GPSM1: variants seen among roughly 807,000 people sequenced by gnomAD.
GPSM1 encodes the protein G protein-signaling modulator 1.
A neutral mutation model predicts 70.5 loss-of-function variants in GPSM1; 48 were observed. The observed-to-expected ratio is 0.68, with a 90% confidence interval of 0.54 to 0.87. GPSM1 has a LOEUF of 0.87. Among genes scored for constraint, GPSM1 ranks in the 40% least tolerant of loss-of-function variants. The pLI, the probability that GPSM1 is intolerant of heterozygous loss-of-function variation, is 0.00. For synonymous variants in GPSM1, 416 were observed against 430.1 expected, an observed-to-expected ratio of 0.97 and a Z score of 0.41; for missense variants, 981 against 972.6, an observed-to-expected ratio of 1.01 and a Z score of -0.11.
chr9:136,355,890 A>G (rs1554773010), intron 12 of GPSM1, 44 bp downstream of exon 12: 3 of 1,522,766 alleles, frequency 2.0e-6, no homozygotes, highest in Non-Finnish European at 1.8e-6. Context: ...GCTTGTCTGC[A>G]GGGGCCAGGA....
chr9:136,332,734 C>A (rs1338478250), intron 1 of GPSM1, among the ~76,000 whole-genome samples: 1 of 151,264 alleles, frequency 6.6e-6, no homozygotes, highest in African/African-American at 2.4e-5. Flanking sequence ...CTGTGAGGTG[C>A]CTGGCAGGTA....
intron 4 of GPSM1, 92 bp downstream of exon 4, chr9:136,337,164 A>T (rs1239748353): frequency 3.4e-5 from 41 of 1,200,128 alleles, no homozygotes; most frequent in Non-Finnish European, 4.6e-5. Context: ...CCAGCCCCAT[A>T]CCTCCCGACA....
intron 1 of GPSM1, among the ~76,000 whole-genome samples, chr9:136,331,338 T>C (rs1588688416): frequency 7.9e-6 from 1 of 127,142 alleles, no homozygotes; most frequent in South Asian, 2.5e-4. Flanking sequence ...CCGGCAGACG[T>C]GGGGCTGGCA....
chr9:136,333,732 G>A (rs1443587398), intron 1 of GPSM1, among the ~76,000 whole-genome samples: 1 of 152,204 alleles, frequency 6.6e-6, no homozygotes, highest in African/African-American at 2.4e-5. Flanking sequence ...GGCAGCACCT[G>A]GGAACAGCGG....
At chr9:136,351,695 C>T (rs573474727) in intron 11 of GPSM1, among the ~76,000 whole-genome samples, 1 of 152,362 alleles carries the variant, frequency 6.6e-6, no homozygotes, top group East Asian at 1.9e-4. Context: ...CCACCTGCTG[C>T]GGGCCCTGCT....
chr9:136,354,342 G>C lies in GPSM1; in HGVS notation c.1456-1348G>C, dbSNP rs77638320. Among the ~76,000 whole-genome samples the C allele has an allele frequency of 9.7e-3, 1,477 of 152,342 alleles. 19 individuals are homozygous for C. Among genetic ancestry groups the C allele is most frequent in the African/African-American group, 0.033 (1,380 of 41,576 alleles). ...GAAGCAGGACGGGAGCCCTAGTCCTGGGCTGTGGGGGTCAGGTGTCGGGAA... is the reference window on the plus strand; with the variant it reads ...GAAGCAGGACGGGAGCCCTAGTCCTCGGCTGTGGGGGTCAGGTGTCGGGAA... On this transcript the variant is annotated intron_variant, in intron 11 of 13. Coordinates refer to ENST00000440944, the MANE Select transcript of GPSM1 (RefSeq NM_001145638.3).
chr9:136,340,856 C>A lies in GPSM1; in HGVS notation c.1084-14C>A. The A allele has an allele frequency of 6.4e-7, 1 of 1,560,130 alleles. No homozygotes were observed. Among genetic ancestry groups the A allele is most frequent in the Non-Finnish European group, 8.7e-7 (1 of 1,155,716 alleles). On this transcript the variant is annotated splice_polypyrimidine_tract_variant and intron_variant, in intron 8 of 13. Transcript: ENST00000440944. The surrounding 1 kb of genome is among the most constrained non-coding windows in gnomAD (Gnocchi z 7.3). ...CAGCCACACCTGCCCGCTCCGCCACCCCACTCGCCGCAGATCGGGGACCGC... is the reference window on the plus strand; with the variant it reads ...CAGCCACACCTGCCCGCTCCGCCACACCACTCGCCGCAGATCGGGGACCGC...
chr9:136,359,191 C>A lies in GPSM1; in HGVS notation c.*971C>A, dbSNP rs1359779368. The A allele has an allele frequency of 6.6e-6, 1 of 152,454 alleles. No homozygotes were observed. Among genetic ancestry groups the A allele is most frequent in the Non-Finnish European group, 1.5e-5 (1 of 68,158 alleles). The allele number at this position is 152,454 out of a possible 1,614,324, so 9.4% of individuals were successfully genotyped here. ...ACCAAGTTCGGGATCCTAGGACTGG[C>A]AGGACCTGCTGGAGCCTGAGATGGG... On this transcript the variant is annotated 3_prime_UTR_variant, in exon 14 of 14. Coordinates refer to ENST00000440944, the MANE Select transcript of GPSM1 (RefSeq NM_001145638.3).
At position 136,337,884 on chromosome 9, in the gene GPSM1, C is replaced by T. The variant is rs375775955; in HGVS notation, c.741C>T (p.Ala247=). Residue 247 remains alanine, a synonymous_variant, in exon 6 of 14, where the codon GCC becomes GCT. Transcript: ENST00000440944. ...AIAKEFGDKA[A]ERRAYSNLGN... is the part of the protein sequence containing the mutation. ...CTAAGGAGTTTGGAGACAAGGCAGC[C>T]GAGAGGAGGGCCTACAGCAACCTGG... is the stretch of plus-strand genomic sequence containing the variant. 1.4e-5 allele frequency: 22 copies of T among 1,612,216 alleles called. No homozygotes were observed. In the African/African-American group the frequency reaches 1.5e-4, roughly 11 times the overall value.
In GPSM1 at chr9:136,341,411, TGCCTGGGGCAGTAATCAGGCAAG is replaced by T; in HGVS notation, c.1207+422_1207+444del. 1.4e-6 allele frequency: 2 copies of T among 1,418,090 alleles called. No homozygotes were observed. Among genetic ancestry groups the T allele is most frequent in the Non-Finnish European group, 9.2e-7 (1 of 1,090,684 alleles). 87.8% of individuals were successfully genotyped at this position (1,418,090 alleles called of 1,614,324 possible). ...TGGGCTGGGCTGTGGGAGCCCTATG[TGCCTGGGGCAGTAATCAGGCAAG>T]GCCCAAGGCCATGCGAGGCCACCGT... On this transcript the variant is annotated intron_variant, in intron 9 of 13. Coordinates refer to ENST00000440944, the MANE Select transcript of GPSM1 (RefSeq NM_001145638.3). This position sits in a 1 kb window ranked among gnomAD's most constrained non-coding sequence, Gnocchi z 6.7.
intron 1 of GPSM1, among the ~76,000 whole-genome samples, chr9:136,334,012 G>A (rs532791142): frequency 6.6e-6 from 1 of 152,212 alleles, no homozygotes; most frequent in South Asian, 2.1e-4. Flanking sequence ...TGTTCTTGGT[G>A]GGAATTAGGG....
rs892612925 is a variant in GPSM1 at position 136,353,093 on chromosome 9, C to G, written c.1456-2597C>G. 3.8e-5 allele frequency: 37 copies of G among 985,310 alleles called. No individual in the cohort carries two copies. The Admixed American group carries it at 7.4e-4, about 20-fold the overall frequency. 61.0% of individuals were successfully genotyped at this position (985,310 alleles called of 1,614,324 possible). The stretch of plus-strand genomic sequence containing the variant: ...CCCTGGGCACCTTGTGTCCTGCCTG[C>G]GCTCTGTGTGGCCAAGCACCCAGCG... On this transcript the variant is annotated intron_variant, in intron 11 of 13. Transcript: ENST00000440944.
chr9:136,329,159 G>C (rs1832046433), intron 1 of GPSM1, among the ~76,000 whole-genome samples: 1 of 152,156 alleles, frequency 6.6e-6, no homozygotes, highest in African/African-American at 2.4e-5. Flanking sequence ...GCAGTGCTCA[G>C]GGGGACCACT....
intron 5 of GPSM1, 120 bp from the exon 6 acceptor site, chr9:136,337,726 C>T (rs1048060725): frequency 3.6e-5 from 36 of 996,476 alleles, no homozygotes; most frequent in Non-Finnish European, 5.1e-5. Flanking sequence ...CAGCTGCTAG[C>T]TGCTCACCCG....
rs1564341850 is a variant in GPSM1 at position 136,334,490 on chromosome 9, CTG to C, written c.115_116del (p.Cys39GlnfsTer13). On this transcript the variant is annotated frameshift_variant, in exon 2 of 14. Transcript: ENST00000440944. LOFTEE classifies it high-confidence loss of function. ...AGAGCTGGCGCTGGAGGGCGAGCGT[CTG>C]TGCAAGGCGGGCGACTTCAAGACAG... ...CLELALEGER[L>X]CKAGDFKTGV... 6.2e-7 allele frequency: 1 copy of C among 1,613,156 alleles called. No individual in the cohort carries two copies. The highest frequency in any genetic ancestry group is 8.5e-7 in the Non-Finnish European group (1 of 1,179,944).
At chr9:136,346,308 T>C (rs1328480145) in intron 9 of GPSM1, among the ~76,000 whole-genome samples, 2 of 152,228 alleles carry the variant, frequency 1.3e-5, no homozygotes, top group Non-Finnish European at 2.9e-5. Flanking sequence ...GCCAGCGGGC[T>C]GGAGGCGGAA....
intron 13 of GPSM1, among the ~76,000 whole-genome samples, chr9:136,356,862 G>A (rs1832845580): frequency 6.6e-6 from 1 of 152,180 alleles, no homozygotes; most frequent in Admixed American, 6.5e-5. Flanking sequence ...ACAGGTCCTG[G>A]AGCTCATGGC....
chr9:136,328,412 G>A (rs1554768175), intron 1 of GPSM1, among the ~76,000 whole-genome samples: 1 of 152,196 alleles, frequency 6.6e-6, no homozygotes, highest in African/African-American at 2.4e-5. Flanking sequence ...AAGCAAGGCT[G>A]GGTGGTACCA....
intron 3 of GPSM1, among the ~76,000 whole-genome samples, chr9:136,336,375 C>T (rs1832236189): frequency 6.6e-6 from 1 of 152,170 alleles, no homozygotes; most frequent in Non-Finnish European, 1.5e-5. Context: ...CCCTCCACAC[C>T]CCCAGTCACT....
Sources: gnomAD v4.1 joint callset for allele counts (sites outside exome capture counted in the v4.1 genomes callset) on GRCh38, gnomAD v4.1.1 for gene constraint, Gnocchi (gnomAD v3.1) non-coding constraint, MANE v1.5 for transcripts, NCBI Gene and HGNC (gene_info 2026-07-23, HGNC 2026-07-21) for gene names.